The following TP63 variants were observed in gnomAD, a reference collection of about 807,000 sequenced individuals.
TP63 encodes the protein tumor protein 63.
In TP63, 17 loss-of-function variants were observed where a neutral mutation model predicts 82.8. The observed-to-expected ratio is 0.21, with a 90% CI of 0.14 to 0.31. TP63 has a LOEUF of 0.31. Among genes scored for constraint, TP63 ranks in the 10% least tolerant of loss-of-function variants. The pLI is 1.00. For synonymous variants in TP63, 330 were observed against 321.7 expected, an observed-to-expected ratio of 1.03 and a Z score of -0.28; for missense variants, 648 against 895.3, an observed-to-expected ratio of 0.72 and a Z score of 3.52.
intron 3 of TP63, among the ~76,000 whole-genome samples, chr3:189,780,177 T>G (rs1724122062): frequency 6.6e-6 from 1 of 152,128 alleles, no homozygotes; most frequent in African/African-American, 2.4e-5. Flanking sequence ...AAAGAATGTG[T>G]TTGAGTTTGC....
At chr3:189,785,298 T>C (rs1724513046) in intron 3 of TP63, among the ~76,000 whole-genome samples, 1 of 152,080 alleles carries the variant, frequency 6.6e-6, no homozygotes, top group Non-Finnish European at 1.5e-5. Context: ...TCTAGTTCTT[T>C]CTTATAGAAT....
At chr3:189,711,343 G>A (rs1718578722) in intron 1 of TP63, among the ~76,000 whole-genome samples, 1 of 152,124 alleles carries the variant, frequency 6.6e-6, no homozygotes, top group Non-Finnish European at 1.5e-5. Flanking sequence ...AAGGTCCTGT[G>A]CTGGGTGAGG....
chr3:189,826,692 C>A (rs1392407657), intron 4 of TP63, among the ~76,000 whole-genome samples: 3 of 152,158 alleles, frequency 2.0e-5, no homozygotes, highest in Admixed American at 2.0e-4. Context: ...GAATTACTAA[C>A]CACCGAAACT....
rs200187595 is a variant in TP63 at position 189,867,785 on chromosome 3, G to A, written c.883-48G>A. The A allele has an allele frequency of 1.2e-5, 18 of 1,520,910 alleles. No homozygotes were observed. In the East Asian group the frequency reaches 1.8e-4, roughly 15 times the overall value. The allele number at this position is 1,520,910 out of a possible 1,614,324, so 94.2% of individuals were successfully genotyped here. ...GAGGGAAGAACTGAGAAGGAACAAC[G>A]TCAGTTTAAACCCTTGTTAACACAG... On this transcript the variant is annotated intron_variant, in intron 6 of 13. Coordinates refer to ENST00000264731, the MANE Select transcript of TP63 (RefSeq NM_003722.5).
chr3:189,597,744 G>A, the TP63 span, among the ~76,000 whole-genome samples: 2 of 152,048 alleles, frequency 1.3e-5, no homozygotes, highest in African/African-American at 4.8e-5. Context: ...AGGCAACATG[G>A]TGAAACCCCG....
At position 189,795,714 on chromosome 3, in the gene TP63, A is replaced by G. The variant is rs534208499; in HGVS notation, c.325-12558A>G. 1.6e-4 allele frequency among the ~76,000 whole-genome samples: 25 copies of G among 152,168 alleles called. No individual in the cohort carries two copies. In the South Asian group the frequency reaches 5.0e-3, roughly 30 times the overall value. ...AATAGCAACAAAAGTTAATTGGAAT[A>G]TTGATCTCACTAAGAGCGGAAACCT... On this transcript the variant is annotated intron_variant, in intron 3 of 13. Coordinates refer to ENST00000264731, the MANE Select transcript of TP63 (RefSeq NM_003722.5).
chr3:189,862,349 A>AC (rs1469346676), intron 4 of TP63, among the ~76,000 whole-genome samples: 3 of 151,864 alleles, frequency 2.0e-5, no homozygotes, highest in African/African-American at 7.3e-5. Flanking sequence ...TTAGATTCCC[A>AC]CCCCCATCCC....
chr3:189,630,215 A>G (rs1005699753), upstream of TP63, among the ~76,000 whole-genome samples: 3 of 152,074 alleles, frequency 2.0e-5, no homozygotes, highest in African/African-American at 7.2e-5. Flanking sequence ...GATGTCACCT[A>G]TTTACAGGTG....
intron 1 of TP63, among the ~76,000 whole-genome samples, chr3:189,712,519 G>C (rs1386446236): frequency 6.6e-6 from 1 of 152,044 alleles, no homozygotes; most frequent in Non-Finnish European, 1.5e-5. Context: ...TTCTTGTTTT[G>C]TCCTCACATG....
At chr3:189,851,732 C>G (rs16864844) in intron 4 of TP63, among the ~76,000 whole-genome samples, 1 of 151,994 alleles carries the variant, frequency 6.6e-6, no homozygotes, top group Non-Finnish European at 1.5e-5. Flanking sequence ...CCAACCCGGG[C>G]AGAAATAAGT....
chr3:189,720,920 C>A (rs1490918915), intron 1 of TP63, among the ~76,000 whole-genome samples: 1 of 152,108 alleles, frequency 6.6e-6, no homozygotes, highest in Non-Finnish European at 1.5e-5. Flanking sequence ...ACTGGAATTA[C>A]CTTCTGTGCA....
At chr3:189,797,792 A>T (rs1380950394) in intron 3 of TP63, among the ~76,000 whole-genome samples, 1 of 151,974 alleles carries the variant, frequency 6.6e-6, no homozygotes, top group Non-Finnish European at 1.5e-5. Flanking sequence ...GAAAATCAGA[A>T]TGGTGAGACT....
chr3:189,723,981 T>C (rs1425857978), intron 1 of TP63, among the ~76,000 whole-genome samples: 1 of 151,058 alleles, frequency 6.6e-6, no homozygotes, highest in African/African-American at 2.4e-5. Context: ...CTTTTGCAAG[T>C]ACTTTTTTGT....
At chr3:189,854,658 C>G (rs1716069295) in intron 4 of TP63, among the ~76,000 whole-genome samples, 1 of 152,266 alleles carries the variant, frequency 6.6e-6, no homozygotes, top group Middle Eastern at 3.4e-3. Context: ...TAGGATAGAA[C>G]TGAAAAATGT....
chr3:189,861,936 T>C (rs1398557461), intron 4 of TP63, among the ~76,000 whole-genome samples: 2 of 152,232 alleles, frequency 1.3e-5, no homozygotes, highest in African/African-American at 2.4e-5. Flanking sequence ...AAGTCAATTA[T>C]CTGTTATCTA....
intron 3 of TP63, among the ~76,000 whole-genome samples, chr3:189,786,973 G>A (rs1372134013): frequency 6.6e-6 from 1 of 151,970 alleles, no homozygotes; most frequent in East Asian, 1.9e-4. Flanking sequence ...TTAAATCAAT[G>A]CATGATATTT....
At chr3:189,678,572 T>C (rs796461904) in intron 1 of TP63, among the ~76,000 whole-genome samples, 5 of 152,230 alleles carry the variant, frequency 3.3e-5, no homozygotes, top group African/African-American at 1.2e-4. Context: ...TATAGGCTCT[T>C]TTTCAGTTTC....
At chr3:189,804,330 A>G (rs1726647497) in intron 3 of TP63, among the ~76,000 whole-genome samples, 1 of 152,210 alleles carries the variant, frequency 6.6e-6, no homozygotes, top group Non-Finnish European at 1.5e-5. Flanking sequence ...TATTCACTTG[A>G]CCTGGGACAG....
chr3:189,837,145 A>T (rs1713273663), intron 4 of TP63, among the ~76,000 whole-genome samples: 1 of 152,050 alleles, frequency 6.6e-6, no homozygotes, highest in Admixed American at 6.6e-5. Context: ...TCAACAAAAG[A>T]TGATTTTTGT....
Sources: allele counts gnomAD v4.1 joint callset (sites outside exome capture counted in the v4.1 genomes callset), GRCh38; gene constraint gnomAD v4.1.1; transcripts MANE v1.5; gene names NCBI Gene and HGNC (gene_info 2026-07-23, HGNC 2026-07-21).